LMX1A: variants seen among roughly 807,000 people sequenced by gnomAD.
LMX1A encodes LIM homeobox transcription factor 1 alpha.
Under a neutral mutation model 49.1 loss-of-function variants are expected in LMX1A, and 15 were observed. The ratio of observed to expected loss-of-function variants is 0.31; its 90% CI spans 0.20 to 0.47. The LOEUF (loss-of-function observed/expected upper bound fraction) is 0.47. Ranked by LOEUF, LMX1A falls within the 20% of genes least tolerant of loss-of-function variation. The pLI is 1.00. For missense variants in LMX1A, 372 were observed against 475.8 expected (o/e 0.78, Z 2.03); for synonymous variants, 167 against 185.7 (o/e 0.90, Z 0.82).
intron 3 of LMX1A, among the ~76,000 whole-genome samples, chr1:165,284,178 T>C (rs193181550): frequency 8.5e-5 from 13 of 152,372 alleles, no homozygotes; most frequent in Admixed American, 7.8e-4. Context: ...GCGAGATGAC[T>C]GTAATATCAG....
At chr1:165,208,016 C>A in intron 7 of LMX1A, 47 bp downstream of exon 7, 1 of 1,560,294 alleles carries the variant, frequency 6.4e-7, no homozygotes, top group South Asian at 1.1e-5. Context: ...CTGGTAGGAA[C>A]AGCCTGGATT....
chr1:165,291,802 G>A (rs543422273), intron 3 of LMX1A, among the ~76,000 whole-genome samples: 47 of 152,248 alleles, frequency 3.1e-4, no homozygotes, highest in African/African-American at 1.0e-3. Flanking sequence ...GGTGGCTCAC[G>A]CCTGTAATCC....
chr1:165,203,124 T>TCCCAC lies in LMX1A; in HGVS notation c.*751_*755dup, dbSNP rs1650915616. On this transcript the variant is annotated 3_prime_UTR_variant, in exon 9 of 9. Transcript: ENST00000342310. Reference sequence around the variant, plus strand: ...CAGAACATGATCAGAGATTATTCTGTCCCACCCCTGCCCAGTGATTCAACC... The same window carrying TCCCAC: ...CAGAACATGATCAGAGATTATTCTGTCCCACCCCACCCCTGCCCAGTGATTCAACC... The TCCCAC allele has an allele frequency of 6.6e-6, 1 of 152,450 alleles. No homozygotes were observed. The highest frequency in any genetic ancestry group is 1.5e-5 in the Non-Finnish European group (1 of 68,054). 9.4% of individuals were successfully genotyped at this position (152,450 alleles called of 1,614,324 possible).
intron 4 of LMX1A, among the ~76,000 whole-genome samples, chr1:165,225,434 T>C (rs962489553): frequency 6.6e-6 from 1 of 152,248 alleles, no homozygotes; most frequent in Non-Finnish European, 1.5e-5. Context: ...TGTCTCAAGA[T>C]GATCTTAATG....
intron 4 of LMX1A, among the ~76,000 whole-genome samples, chr1:165,226,886 A>G (rs1652055524): frequency 6.6e-6 from 1 of 152,200 alleles, no homozygotes; most frequent in Non-Finnish European, 1.5e-5. Context: ...TCATCTAAAC[A>G]TATTTGTTGT....
intron 4 of LMX1A, among the ~76,000 whole-genome samples, chr1:165,235,261 G>T (rs1436635307): frequency 6.6e-6 from 1 of 152,210 alleles, no homozygotes; most frequent in Non-Finnish European, 1.5e-5. Flanking sequence ...CAGGGTTCAG[G>T]TAGCGACGGT....
chr1:165,258,953 G>A (rs1653340366), intron 3 of LMX1A, among the ~76,000 whole-genome samples: 1 of 152,138 alleles, frequency 6.6e-6, no homozygotes, highest in Non-Finnish European at 1.5e-5. Flanking sequence ...ACAACCTTAT[G>A]AGATATTTTG....
chr1:165,248,805 C>T (rs182498221), intron 4 of LMX1A, among the ~76,000 whole-genome samples: 1 of 152,316 alleles, frequency 6.6e-6, no homozygotes, highest in East Asian at 1.9e-4. Context: ...TATTATGTAT[C>T]TATACCTGGG....
intron 4 of LMX1A, among the ~76,000 whole-genome samples, chr1:165,218,121 C>G (rs1026857243): frequency 6.6e-6 from 1 of 152,202 alleles, no homozygotes; most frequent in African/African-American, 2.4e-5. Context: ...CAGATTTGGC[C>G]TGCATACCAT....
intron 2 of LMX1A, among the ~76,000 whole-genome samples, chr1:165,354,434 C>A (rs1372398832): frequency 6.6e-6 from 1 of 152,198 alleles, no homozygotes; most frequent in Admixed American, 6.5e-5. Context: ...TAAAAAGCGA[C>A]GCCCGCTGTA....
chr1:165,353,330 A>C (rs1571239836), intron 2 of LMX1A, 68 bp from the exon 3 acceptor site: 2 of 1,337,070 alleles, frequency 1.5e-6, no homozygotes, highest in African/African-American at 1.4e-5. Flanking sequence ...CCTGGCCGGG[A>C]CCCGCTCCTG....
intron 4 of LMX1A, among the ~76,000 whole-genome samples, chr1:165,241,083 A>G (rs1175849226): frequency 6.6e-6 from 1 of 152,196 alleles, no homozygotes; most frequent in African/African-American, 2.4e-5. Flanking sequence ...TTGACTTTCC[A>G]GGATGCAACA....
At chr1:165,226,038 A>G (rs557823898) in intron 4 of LMX1A, among the ~76,000 whole-genome samples, 10 of 151,658 alleles carry the variant, frequency 6.6e-5, no homozygotes, top group Non-Finnish European at 1.0e-4. Context: ...TTTTACAACC[A>G]TCTTTTCCTC....
At chr1:165,330,514 T>C (rs991503593) in intron 3 of LMX1A, among the ~76,000 whole-genome samples, 3 of 152,194 alleles carry the variant, frequency 2.0e-5, no homozygotes, top group Non-Finnish European at 4.4e-5. Flanking sequence ...CCTCTTCCAG[T>C]AATGGCTGAG....
chr1:165,314,205 C>A (rs546362503), intron 3 of LMX1A, among the ~76,000 whole-genome samples: 1 of 152,146 alleles, frequency 6.6e-6, no homozygotes, highest in Non-Finnish European at 1.5e-5. Flanking sequence ...GGAGTGACAG[C>A]GTGAGGACAG....
intron 4 of LMX1A, among the ~76,000 whole-genome samples, chr1:165,245,795 G>A (rs1460602780): frequency 6.6e-6 from 1 of 151,858 alleles, no homozygotes; most frequent in Non-Finnish European, 1.5e-5. Context: ...TTGAATTTTG[G>A]GAGACAATGG....
At chr1:165,253,614 G>A (rs1378420018) in intron 3 of LMX1A, among the ~76,000 whole-genome samples, 2 of 152,214 alleles carry the variant, frequency 1.3e-5, no homozygotes, top group Admixed American at 1.3e-4. Context: ...GGAAGTGCTT[G>A]TGCTGTGTTA....
Position 165,207,996 on chromosome 1 carries a change from T to G in LMX1A, c.817+67A>C. ...ATATGTCATCCAAAGAGCTGGGTAG[T>G]GGGAGGCCTCTGGTAGGAACAGCCT... is the stretch of plus-strand genomic sequence containing the variant. On this transcript the variant is annotated intron_variant, in intron 7 of 8. Transcript: ENST00000342310. 5 of 1,362,382 alleles carry G rather than the reference T, an allele frequency of 3.7e-6. No homozygotes were observed. In the South Asian group the frequency reaches 6.1e-5, roughly 17 times the overall value. 84.4% of individuals were successfully genotyped at this position (1,362,382 alleles called of 1,614,324 possible). A position where few individuals can be genotyped will look rare whatever the true frequency, so the allele number is the denominator to read the frequency against.
intron 4 of LMX1A, among the ~76,000 whole-genome samples, chr1:165,234,842 C>A (rs1470982631): frequency 1.3e-5 from 2 of 152,160 alleles, no homozygotes; most frequent in African/African-American, 2.4e-5. Flanking sequence ...GGCTTCAATT[C>A]TTTGATTCTT....
Sources: gnomAD v4.1 joint callset for allele counts (sites outside exome capture counted in the v4.1 genomes callset) on GRCh38, gnomAD v4.1.1 for gene constraint, MANE v1.5 for transcripts, NCBI Gene and HGNC (gene_info 2026-07-23, HGNC 2026-07-21) for gene names.